The following MRPL54 variants were observed in gnomAD, a reference collection of about 807,000 sequenced individuals.
The protein encoded by MRPL54 is mitochondrial ribosomal protein L54, also known as large ribosomal subunit protein mL54.
MRPL54 carries 12 observed loss-of-function variants against 15.6 expected under a neutral mutation model. The observed-to-expected ratio is 0.77, with a 90% confidence interval of 0.49 to 1.24. The LOEUF is 1.24. Ranked by LOEUF, MRPL54 falls within the 50% of genes most tolerant of loss-of-function variation. MRPL54 has a pLI of 0.00. For missense variants in MRPL54, 178 were observed against 186.8 expected, an observed-to-expected ratio of 0.95 and a Z score of 0.28; for synonymous variants, 91 against 75.7, an observed-to-expected ratio of 1.20 and a Z score of -1.05.
intron 1 of MRPL54, 47 bp from the exon 2 acceptor site, chr19:3,765,119 C>T (rs955705369): frequency 3.8e-6 from 6 of 1,564,512 alleles, no homozygotes; most frequent in Non-Finnish European, 3.5e-6. Context: ...AGTTTGGCTT[C>T]CAGAGGAGGG....
At chr19:3,765,729 C>T (rs2037192171) in intron 2 of MRPL54, among the ~76,000 whole-genome samples, 2 of 151,842 alleles carry the variant, frequency 1.3e-5, no homozygotes, top group South Asian at 4.2e-4. Flanking sequence ...GAAACCTCGT[C>T]TCTACTAAAA....
chr19:3,763,891 G>A (rs888880353), intron 1 of MRPL54, among the ~76,000 whole-genome samples: 22 of 149,726 alleles, frequency 1.5e-4, no homozygotes, highest in South Asian at 6.4e-4. Context: ...CAGCCTGGGC[G>A]ACACAGTGAG....
Position 3,762,760 on chromosome 19 carries a change from G to A in MRPL54, c.60G>A (p.Glu20=), listed in dbSNP as rs752401811. ...CGTGGGCCGGCTGGGGGGCCTGGGA[G>A]CTCCTAAACCCCGCCACTTCCGGAA... ...TRTWAGWGAW[E]LLNPATSGRL... The change falls in exon 1 of 3, where the codon GAG becomes GAA. Residue 20 remains glutamate, a synonymous_variant. Coordinates refer to ENST00000330133, the MANE Select transcript of MRPL54 (RefSeq NM_172251.3). 6.2e-7 allele frequency: 1 copy of A among 1,610,496 alleles called. No homozygotes were observed.
chr19:3,767,374 G>C lies in MRPL54; in HGVS notation c.398G>C (p.Ser133Thr). Residue 133 changes from serine (S) to threonine (T), a missense_variant, in exon 3 of 3, where the codon AGC (serine) becomes ACC (threonine). Ser to Thr is a moderately conservative substitution (Grantham distance 58). Transcript: ENST00000330133. ...AACATCTGGCGCCACAACCGGCTGAGCAAGAACAAGAGGTTGTAGCATGGA... is the reference window on the plus strand; with the variant it reads ...AACATCTGGCGCCACAACCGGCTGACCAAGAACAAGAGGTTGTAGCATGGA... ...KQNIWRHNRL[S>T]KNKRL The C allele has an allele frequency of 6.2e-7, 1 of 1,610,540 alleles. No homozygotes were observed. The highest frequency in any genetic ancestry group is 8.5e-7 in the Non-Finnish European group (1 of 1,178,698).
chr19:3,767,032 G>A (rs1000215475), intron 2 of MRPL54, among the ~76,000 whole-genome samples: 1 of 152,188 alleles, frequency 6.6e-6, no homozygotes, highest in African/African-American at 2.4e-5. Flanking sequence ...GGCAGGAGAG[G>A]GCTTGGCGTG....
chr19:3,765,377 C>G (rs892110797), intron 2 of MRPL54, 46 bp downstream of exon 2: 1 of 1,600,598 alleles, frequency 6.2e-7, no homozygotes, highest in African/African-American at 1.3e-5. Flanking sequence ...ATTCCTTCCT[C>G]CGCCCCAGGA....
chr19:3,766,234 C>T (rs1430632200), intron 2 of MRPL54, among the ~76,000 whole-genome samples: 2 of 152,142 alleles, frequency 1.3e-5, no homozygotes, highest in Non-Finnish European at 2.9e-5. Flanking sequence ...CCCGCCGTCA[C>T]ACCCAGCTAA....
intron 2 of MRPL54, among the ~76,000 whole-genome samples, chr19:3,765,776 T>C (rs888662104): frequency 1.3e-5 from 2 of 151,416 alleles, no homozygotes; most frequent in African/African-American, 4.9e-5. Flanking sequence ...CACATTCCTG[T>C]AGTCCCAGTT....
chr19:3,764,227 T>C (rs1250282601), intron 1 of MRPL54, among the ~76,000 whole-genome samples: 3 of 135,912 alleles, frequency 2.2e-5, no homozygotes, highest in Admixed American at 7.3e-5. Flanking sequence ...GGACCACAGG[T>C]GCCCACCACC....
At chr19:3,763,474 C>T (rs1388445428) in intron 1 of MRPL54, among the ~76,000 whole-genome samples, 1 of 152,104 alleles carries the variant, frequency 6.6e-6, no homozygotes, top group South Asian at 2.1e-4. Flanking sequence ...TGTCCAAATC[C>T]CACTTAAAGT....
intron 2 of MRPL54, 98 bp from the exon 3 acceptor site, chr19:3,767,163 G>A: frequency 6.9e-7 from 1 of 1,453,784 alleles, no homozygotes; most frequent in Non-Finnish European, 9.1e-7. Flanking sequence ...AGTGGGCCTG[G>A]CACCCAGCCC....
At position 3,767,267 on chromosome 19, in the gene MRPL54, C is replaced by A; in HGVS notation, c.291C>A (p.Phe97Leu). 1 of 1,611,186 alleles carries A rather than the reference C, an allele frequency of 6.2e-7. No homozygotes were observed. The highest frequency in any genetic ancestry group is 1.1e-5 in the South Asian group (1 of 90,958). Residue 97 changes from phenylalanine (F) to leucine (L), a missense_variant, in exon 3 of 3, where the codon TTC (phenylalanine) becomes TTA (leucine). Transcript: ENST00000330133. ...KPDAEYPEWL[F>L]EMNLGPPKTL... ...CTGCCCGCACCCCCGTCAGGCTGTT[C>A]GAGATGAACTTGGGTCCCCCAAAGA...
chr19:3,762,716 C>T lies in MRPL54; in HGVS notation c.16C>T (p.Leu6Phe), dbSNP rs1418732253. The T allele has an allele frequency of 2.5e-6, 4 of 1,611,788 alleles. No homozygotes were observed. The highest frequency in any genetic ancestry group is 3.4e-6 in the Non-Finnish European group (4 of 1,179,160). The stretch of plus-strand genomic sequence containing the variant: ...GCAATACGTCATGGCGACCAAACGC[C>T]TTTTCGGGGCTACCCGGACGTGGGC... MATKR[L>F]FGATRTWAGW... Residue 6 changes from leucine (L) to phenylalanine (F), a missense_variant, in exon 1 of 3, where the codon CTT (leucine) becomes TTT (phenylalanine). Transcript: ENST00000330133.
intron 1 of MRPL54, among the ~76,000 whole-genome samples, chr19:3,764,937 A>T (rs1231776829): frequency 7.3e-5 from 11 of 151,574 alleles, no homozygotes; most frequent in African/African-American, 2.7e-4. Context: ...CTGAGGCAGG[A>T]GAATGGCTTG....
chr19:3,764,664 C>A (rs2037180393), intron 1 of MRPL54, among the ~76,000 whole-genome samples: 1 of 151,566 alleles, frequency 6.6e-6, no homozygotes, highest in South Asian at 2.1e-4. Context: ...GATCTTCCCA[C>A]CTCGGCCTCC....
intron 1 of MRPL54, among the ~76,000 whole-genome samples, chr19:3,763,022 G>T (rs207476985): frequency 6.6e-6 from 1 of 152,266 alleles, no homozygotes; most frequent in Non-Finnish European, 1.5e-5. Flanking sequence ...GTAGCGATTG[G>T]ACCCAGGGCG....
rs954798822 is a variant in MRPL54, at chr19:3,767,543, A to G, written c.*150A>G. 9 of 1,104,586 alleles carry G rather than the reference A, an allele frequency of 8.1e-6. No homozygotes were observed. Among genetic ancestry groups the G allele is most frequent in the Non-Finnish European group, 1.0e-5 (8 of 789,618 alleles). 68.4% of individuals were successfully genotyped at this position (1,104,586 alleles called of 1,614,324 possible). A position where few individuals can be genotyped will look rare whatever the true frequency, so the allele number is the denominator to read the frequency against. On this transcript the variant is annotated 3_prime_UTR_variant, in exon 3 of 3. Transcript: ENST00000330133. ...TGGACCAGGGCCCTGGAGGCCAATA[A>G]AGAGCTTTCTGGGTAGACCCTATTT...
intron 1 of MRPL54, among the ~76,000 whole-genome samples, chr19:3,764,561 C>G (rs2037179627): frequency 6.6e-6 from 1 of 151,740 alleles, no homozygotes; most frequent in Non-Finnish European, 1.5e-5. Context: ...GCATATGCCA[C>G]CATGCCCAGC....
intron 2 of MRPL54, among the ~76,000 whole-genome samples, chr19:3,765,708 G>A (rs1053541574): frequency 2.0e-5 from 3 of 152,000 alleles, no homozygotes; most frequent in African/African-American, 4.8e-5. Context: ...GACCAGCCTG[G>A]CCAACATGGT....
Sources: gnomAD v4.1 joint callset for allele counts (sites outside exome capture counted in the v4.1 genomes callset) on GRCh38, gnomAD v4.1.1 for gene constraint, MANE v1.5 for transcripts, NCBI Gene and HGNC (gene_info 2026-07-23, HGNC 2026-07-21) for gene names.